The following DPP10 variants were observed in gnomAD, a reference collection of about 807,000 sequenced individuals.
The protein encoded by DPP10 is inactive dipeptidyl peptidase 10.
A neutral mutation model predicts 120.9 loss-of-function variants in DPP10; 33 were observed. That is an observed-to-expected ratio of 0.27 (90% CI 0.21 to 0.37). The LOEUF (loss-of-function observed/expected upper bound fraction) is 0.37, where lower values mean the gene tolerates loss of function less well. Among genes scored for constraint, DPP10 ranks in the 10% least tolerant of loss-of-function variants. The pLI is 1.00. For missense variants in DPP10, 816 were observed against 942.8 expected (o/e 0.87, Z 1.76); for synonymous variants, 337 against 326.1 (o/e 1.03, Z -0.36).
chr2:115,094,183 C>T (rs1709523738), intron 1 of DPP10, among the ~76,000 whole-genome samples: 1 of 152,056 alleles, frequency 6.6e-6, no homozygotes, highest in Non-Finnish European at 1.5e-5. Flanking sequence ...TGTTACTTTA[C>T]ACTTTGATGT....
In DPP10 at chr2:114,686,162, A is replaced by G. The variant is rs1699352238; in HGVS notation, c.60+243324A>G. Among the ~76,000 whole-genome samples the G allele has an allele frequency of 2.0e-5, 3 of 151,928 alleles. No individual in the cohort carries two copies. The South Asian group carries it at 6.2e-4, about 31-fold the overall frequency. ...TGCAAGGAAAAGAGAATGCACTCTGATTATAGCCTCAGACTGAATTTCCAA... is the reference window on the plus strand; with the variant it reads ...TGCAAGGAAAAGAGAATGCACTCTGGTTATAGCCTCAGACTGAATTTCCAA... On this transcript the variant is annotated intron_variant, in intron 1 of 25. Coordinates refer to ENST00000410059, the MANE Select transcript of DPP10 (RefSeq NM_020868.6).
intron 3 of DPP10, among the ~76,000 whole-genome samples, chr2:115,449,941 A>G (rs2072964305): frequency 6.6e-6 from 1 of 152,050 alleles, no homozygotes; most frequent in Non-Finnish European, 1.5e-5. Context: ...GGAGACAAAT[A>G]TAGTAAAATC....
chr2:115,317,123 A>G (rs2061832657), intron 2 of DPP10, among the ~76,000 whole-genome samples: 1 of 151,982 alleles, frequency 6.6e-6, no homozygotes, highest in African/African-American at 2.4e-5. Flanking sequence ...TCCAAAACAT[A>G]TTCATCACCC....
chr2:114,713,694 T>C (rs1701170116), intron 1 of DPP10, among the ~76,000 whole-genome samples: 1 of 152,140 alleles, frequency 6.6e-6, no homozygotes, highest in Non-Finnish European at 1.5e-5. Context: ...GGATGGGTGC[T>C]AAAAGTACAA....
At position 115,741,883 on chromosome 2, in the gene DPP10, A is replaced by G. The variant is rs75597818; in HGVS notation, c.852+1990A>G. Among the ~76,000 whole-genome samples the G allele has an allele frequency of 2.3e-3, 357 of 152,270 alleles. 2 individuals are homozygous for G. Among genetic ancestry groups the G allele is most frequent in the Non-Finnish European group, 4.1e-3 (276 of 67,996 alleles). ...TAGATTGAGACAAACAAACAAACCA[A>G]TGGGAGCATTTGAGGAAATTAAATT... On this transcript the variant is annotated intron_variant, in intron 9 of 25. Transcript: ENST00000410059.
chr2:115,435,308 G>A (rs2071394733), intron 3 of DPP10, among the ~76,000 whole-genome samples: 1 of 151,708 alleles, frequency 6.6e-6, no homozygotes. Context: ...CCCACCAACA[G>A]TGTGCAACAG....
At chr2:115,200,163 A>T (rs1224488865) in intron 1 of DPP10, among the ~76,000 whole-genome samples, 3 of 152,184 alleles carry the variant, frequency 2.0e-5, no homozygotes, top group African/African-American at 7.2e-5. Context: ...AACAAAACGA[A>T]CTGCCTTTTC....
intron 1 of DPP10, among the ~76,000 whole-genome samples, chr2:115,279,649 C>CTTTTTTTTTTTTTTTTTTTT (rs2060068274): frequency 4.0e-5 from 2 of 50,030 alleles, no homozygotes; most frequent in Non-Finnish European, 8.4e-5. Flanking sequence ...TTCTTTTTTT[C>CTTTTTTTTTTTTTTTTTTTT]TTCTTCTTTT....
intron 1 of DPP10, among the ~76,000 whole-genome samples, chr2:114,475,440 C>G (rs1474419927): frequency 2.6e-5 from 4 of 152,096 alleles, no homozygotes; most frequent in Non-Finnish European, 5.9e-5. Flanking sequence ...GCTTTTCAGT[C>G]TTGGAATTTT....
At chr2:115,499,770 C>T (rs1176194744) in intron 4 of DPP10, among the ~76,000 whole-genome samples, 166 bp downstream of exon 4, 2 of 151,898 alleles carry the variant, frequency 1.3e-5, no homozygotes, top group Admixed American at 1.3e-4. Context: ...ATAAAAAATA[C>T]CCTGTGACTA....
intron 1 of DPP10, among the ~76,000 whole-genome samples, chr2:115,197,189 C>T (rs898384643): frequency 2.0e-5 from 3 of 151,978 alleles, no homozygotes; most frequent in East Asian, 3.9e-4. Flanking sequence ...GTCAGGAGAT[C>T]GAGACCAGCC....
intron 1 of DPP10, among the ~76,000 whole-genome samples, chr2:114,847,463 G>A (rs1688631604): frequency 6.6e-6 from 1 of 152,128 alleles, no homozygotes; most frequent in Non-Finnish European, 1.5e-5. Flanking sequence ...TAAATTTCTT[G>A]AAAATAGGGA....
At position 114,616,809 on chromosome 2, in the gene DPP10, A is replaced by G. The variant is rs141494188; in HGVS notation, c.60+173971A>G. On this transcript the variant is annotated intron_variant, in intron 1 of 25. Coordinates refer to ENST00000410059, the MANE Select transcript of DPP10 (RefSeq NM_020868.6). ...TTCTTGCCAGGCAGAGAGAACAGACATAACATCAATGGAGAGATCAAGCTT... is the reference window on the plus strand; with the variant it reads ...TTCTTGCCAGGCAGAGAGAACAGACGTAACATCAATGGAGAGATCAAGCTT... 4.3e-3 allele frequency among the ~76,000 whole-genome samples: 661 copies of G among 152,182 alleles called. 2 individuals are homozygous for G. The highest frequency in any genetic ancestry group is 0.015 in the African/African-American group (626 of 41,542).
chr2:114,807,063 T>G (rs1684796103), intron 1 of DPP10, among the ~76,000 whole-genome samples: 2 of 152,186 alleles, frequency 1.3e-5, no homozygotes, highest in Non-Finnish European at 2.9e-5. Flanking sequence ...TCTTAAACAT[T>G]TTTTAAGTTA....
chr2:115,310,820 A>G (rs180676511), intron 2 of DPP10, among the ~76,000 whole-genome samples: 15 of 152,336 alleles, frequency 9.8e-5, no homozygotes, highest in South Asian at 2.1e-4. Flanking sequence ...GCTGCCTTCT[A>G]TTGATGGCTA....
chr2:115,546,701 T>C (rs2079523327), intron 5 of DPP10, among the ~76,000 whole-genome samples: 1 of 152,124 alleles, frequency 6.6e-6, no homozygotes, highest in South Asian at 2.1e-4. Context: ...AGCTTCTTTC[T>C]TTGCAGATAG....
chr2:115,418,472 C>A (rs942118110), intron 3 of DPP10, among the ~76,000 whole-genome samples: 2 of 152,070 alleles, frequency 1.3e-5, no homozygotes, highest in African/African-American at 2.4e-5. Context: ...ATGAACAAAT[C>A]TAAAATTTGC....
At chr2:115,786,151 TA>T (rs1683321506) in intron 17 of DPP10, among the ~76,000 whole-genome samples, 1 of 152,148 alleles carries the variant, frequency 6.6e-6, no homozygotes, top group Admixed American at 6.5e-5. Context: ...ATTACATGCT[TA>T]TAACAGTCTA....
intron 1 of DPP10, among the ~76,000 whole-genome samples, chr2:114,963,469 A>G (rs1328106649): frequency 6.6e-6 from 1 of 152,228 alleles, no homozygotes; most frequent in African/African-American, 2.4e-5. Context: ...TGAATATACA[A>G]GAAGTAAGGA....
Sources: gnomAD v4.1 joint callset for allele counts (sites outside exome capture counted in the v4.1 genomes callset) on GRCh38, gnomAD v4.1.1 for gene constraint, MANE v1.5 for transcripts, NCBI Gene and HGNC (gene_info 2026-07-23, HGNC 2026-07-21) for gene names.